Variants in KIF26B observed in about 807,000 individuals in gnomAD.
KIF26B encodes the protein kinesin-like protein KIF26B.
Under a neutral mutation model 151.2 loss-of-function variants are expected in KIF26B, and 63 were observed. That is an observed-to-expected ratio of 0.42 (90% confidence interval 0.34 to 0.51). The LOEUF (loss-of-function observed/expected upper bound fraction) is 0.51, where lower values mean the gene tolerates loss of function less well. Ranked by LOEUF, KIF26B falls within the 20% of genes least tolerant of loss-of-function variation. The pLI is 0.07. For missense variants in KIF26B, 2,813 were observed against 2,913.6 expected (o/e 0.97, Z 0.79); for synonymous variants, 1,357 against 1,262.1 (o/e 1.08, Z -1.59).
chr1:245,293,158 G>A (rs1671283386), intron 2 of KIF26B, among the ~76,000 whole-genome samples: 2 of 151,974 alleles, frequency 1.3e-5, no homozygotes, highest in African/African-American at 4.8e-5. Flanking sequence ...CTATCCCCAA[G>A]GCTAAGAAAA....
In KIF26B at chr1:245,704,355, A is replaced by G. The variant is rs1433485604; in HGVS notation, c.*1749A>G. 3 of 152,280 alleles carry G rather than the reference A, an allele frequency of 2.0e-5. No individual in the cohort carries two copies. The highest frequency in any genetic ancestry group is 4.4e-5 in the Non-Finnish European group (3 of 68,076). The allele number at this position is 152,280 out of a possible 1,614,324, so 9.4% of individuals were successfully genotyped here. A position where few individuals can be genotyped will look rare whatever the true frequency, so the allele number is the denominator to read the frequency against. On this transcript the variant is annotated 3_prime_UTR_variant, in exon 15 of 15. Transcript: ENST00000407071. ...TGTACCTCTGGACACTGCAGCCCACACAGCTGGCTGAACTCGGTAAATGGG... is the reference window on the plus strand; with the variant it reads ...TGTACCTCTGGACACTGCAGCCCACGCAGCTGGCTGAACTCGGTAAATGGG...
chr1:245,661,798 C>T (rs1201830747), intron 10 of KIF26B, among the ~76,000 whole-genome samples: 1 of 126,282 alleles, frequency 7.9e-6, no homozygotes, highest in Non-Finnish European at 1.7e-5. Flanking sequence ...CATACACACA[C>T]ACAATATATA....
In KIF26B at chr1:245,479,655, G is replaced by T. The variant is rs1660118342; in HGVS notation, c.1166+59910G>T. ...AGAATGTAGTTTGACAGTCAAGGAT[G>T]ATAGAAAGTCAGAGGATGATAGAAA... On this transcript the variant is annotated intron_variant, in intron 4 of 14. Transcript: ENST00000407071. Among the ~76,000 whole-genome samples, 3 of 151,876 alleles carry T rather than the reference G, an allele frequency of 2.0e-5. 1 individual carries two copies. The highest frequency in any genetic ancestry group is 4.2e-4 in the South Asian group (2 of 4,754).
chr1:245,363,048 G>A (rs376315299), intron 2 of KIF26B, among the ~76,000 whole-genome samples: 33 of 152,182 alleles, frequency 2.2e-4, no homozygotes, highest in African/African-American at 6.5e-4. Context: ...GAGCTAGGCA[G>A]CACGACAGAC....
intron 4 of KIF26B, among the ~76,000 whole-genome samples, chr1:245,482,141 G>T (rs1051037753): frequency 2.0e-5 from 3 of 151,750 alleles, no homozygotes; most frequent in Admixed American, 6.6e-5. Flanking sequence ...ACCCAGGCTG[G>T]AGTGCAGTGG....
At chr1:245,360,340 A>G (rs1672790495) in intron 2 of KIF26B, among the ~76,000 whole-genome samples, 1 of 152,194 alleles carries the variant, frequency 6.6e-6, no homozygotes, top group East Asian at 1.9e-4. Flanking sequence ...TCCCAACATT[A>G]TATGAAGTTC....
At chr1:245,589,369 T>C (rs1240511137) in intron 5 of KIF26B, among the ~76,000 whole-genome samples, 1 of 152,150 alleles carries the variant, frequency 6.6e-6, no homozygotes, top group Non-Finnish European at 1.5e-5. Flanking sequence ...AAGGCCTTTA[T>C]GATGAACTGA....
chr1:245,155,908 C>T (rs80099465), intron 1 of KIF26B, among the ~76,000 whole-genome samples: 12 of 152,132 alleles, frequency 7.9e-5, no homozygotes, highest in African/African-American at 2.7e-4. Context: ...CCCTACCCCC[C>T]CCATAGGGTC....
chr1:245,198,969 C>CGCTGAGCTGAGCTGAGCTGA (rs1172148585), intron 2 of KIF26B, among the ~76,000 whole-genome samples: 1 of 69,776 alleles, frequency 1.4e-5, no homozygotes, highest in Non-Finnish European at 3.1e-5. Flanking sequence ...AGAGTGTGGC[C>CGCTGAGCTGAGCTGAGCTGA]GCTGAGCTGA....
At chr1:245,329,901 C>G (rs144626350) in intron 2 of KIF26B, among the ~76,000 whole-genome samples, 2 of 152,294 alleles carry the variant, frequency 1.3e-5, no homozygotes, top group African/African-American at 4.8e-5. Context: ...CAGCCTTGAA[C>G]TCCTAGGCTC....
intron 4 of KIF26B, among the ~76,000 whole-genome samples, chr1:245,537,874 G>A (rs1242377137): frequency 6.6e-6 from 1 of 152,076 alleles, no homozygotes; most frequent in Non-Finnish European, 1.5e-5. Context: ...GATCTAAGCT[G>A]GAAATAAAAA....
At chr1:245,387,175 G>T (rs819890) in intron 3 of KIF26B, among the ~76,000 whole-genome samples, 86,389 of 141,290 alleles carry the variant, frequency 0.61, 26,245 homozygotes, top group South Asian at 0.69. Flanking sequence ...TTTGTTTTTT[G>T]TTTTTTGAGA....
At chr1:245,243,441 T>TACAC (rs762132705) in intron 2 of KIF26B, among the ~76,000 whole-genome samples, 2,631 of 34,464 alleles carry the variant, frequency 0.076, 38 homozygotes, top group South Asian at 0.22. Flanking sequence ...CATACATATA[T>TACAC]ATATATACAC....
At position 245,540,369 on chromosome 1, in the gene KIF26B, A is replaced by C. The variant is rs1661586773; in HGVS notation, c.1167-398A>C. ...TGGTTTGGATTTTACAAGGTGTTAG[A>C]GTTTTTAAATTAGCTCATGAGGTCT... is the stretch of plus-strand genomic sequence containing the variant. On this transcript the variant is annotated intron_variant, in intron 4 of 14. Coordinates refer to ENST00000407071, the MANE Select transcript of KIF26B (RefSeq NM_018012.4). The surrounding 1 kb of genome is among the most constrained non-coding windows in gnomAD (Gnocchi z 4.6). Among the ~76,000 whole-genome samples, 1 of 152,108 alleles carries C rather than the reference A, an allele frequency of 6.6e-6. No individual in the cohort carries two copies. The highest frequency in any genetic ancestry group is 2.4e-5 in the African/African-American group (1 of 41,410).
intron 3 of KIF26B, among the ~76,000 whole-genome samples, chr1:245,401,530 G>T (rs1050250609): frequency 5.3e-5 from 8 of 152,170 alleles, no homozygotes; most frequent in Admixed American, 5.2e-4. Context: ...ATTTAGTTTA[G>T]CTGAGTTTGT....
At chr1:245,247,393 G>A (rs897911470) in intron 2 of KIF26B, among the ~76,000 whole-genome samples, 3 of 152,162 alleles carry the variant, frequency 2.0e-5, no homozygotes, top group African/African-American at 7.2e-5. Flanking sequence ...GGGCAGGGAA[G>A]GTGGCAATCA....
At chr1:245,445,557 A>G (rs922123511) in intron 4 of KIF26B, among the ~76,000 whole-genome samples, 5 of 152,326 alleles carry the variant, frequency 3.3e-5, no homozygotes, top group African/African-American at 1.2e-4. Flanking sequence ...TGGATTGGCA[A>G]TTGTTGAAGC....
intron 5 of KIF26B, among the ~76,000 whole-genome samples, chr1:245,545,011 C>T (rs1661706690): frequency 6.6e-6 from 1 of 152,130 alleles, no homozygotes; most frequent in Non-Finnish European, 1.5e-5. Flanking sequence ...TTTCCATGTA[C>T]TTGGAGTTGA....
At chr1:245,668,239 C>T (rs1326321680) in intron 10 of KIF26B, among the ~76,000 whole-genome samples, 12 of 152,178 alleles carry the variant, frequency 7.9e-5, no homozygotes, top group South Asian at 4.1e-4. Context: ...CTTTGAGAAA[C>T]GGCTCAGTTA....
Sources: gnomAD v4.1 joint callset for allele counts (sites outside exome capture counted in the v4.1 genomes callset) on GRCh38, gnomAD v4.1.1 for gene constraint, Gnocchi (gnomAD v3.1) non-coding constraint, MANE v1.5 for transcripts, NCBI Gene and HGNC (gene_info 2026-07-23, HGNC 2026-07-21) for gene names.